Variants in RAPGEF4 observed in about 807,000 individuals in gnomAD.
RAPGEF4 encodes the protein Rap guanine nucleotide exchange factor 4, also known as RAP guanine-nucleotide-exchange factor (GEF) 4.
A neutral mutation model predicts 147.9 loss-of-function variants in RAPGEF4; 66 were observed. The observed-to-expected ratio is 0.45, with a 90% CI of 0.37 to 0.55. RAPGEF4 has a LOEUF of 0.55. Among genes scored for constraint, RAPGEF4 ranks in the 20% least tolerant of loss-of-function variants. RAPGEF4 has a pLI of 0.00. For missense variants in RAPGEF4, 1,071 were observed against 1,257.3 expected (o/e 0.85, Z 2.24); for synonymous variants, 419 against 442.7 (o/e 0.95, Z 0.67).
intron 10 of RAPGEF4, 73 bp from the exon 11 acceptor site, chr2:172,983,423 G>A (rs1264091876): frequency 2.2e-5 from 34 of 1,549,016 alleles, no homozygotes; most frequent in Non-Finnish European, 2.8e-5. Flanking sequence ...ACTGATGCCT[G>A]GATCCGTTTC....
intron 29 of RAPGEF4, among the ~76,000 whole-genome samples, chr2:173,038,242 T>C (rs1342418358): frequency 6.6e-6 from 1 of 152,238 alleles, no homozygotes; most frequent in Non-Finnish European, 1.5e-5. Context: ...AACTTATTAG[T>C]ATGGATAATT....
intron 6 of RAPGEF4, among the ~76,000 whole-genome samples, chr2:172,949,104 C>A (rs1687967498): frequency 6.6e-6 from 1 of 152,090 alleles, no homozygotes; most frequent in African/African-American, 2.4e-5. Context: ...GTAAACTTAG[C>A]CTTTTCATAT....
chr2:172,964,216 G>A (rs1183223626), intron 8 of RAPGEF4, among the ~76,000 whole-genome samples: 4 of 151,874 alleles, frequency 2.6e-5, no homozygotes, highest in Non-Finnish European at 5.9e-5. Context: ...TGCGGGTATA[G>A]ACTGTAATAA....
In RAPGEF4 at chr2:172,826,981, G is replaced by A. The variant is rs12053036; in HGVS notation, c.444+12556G>A. Reference sequence around the variant, plus strand: ...CCCTTTCTCAAAAAAAAAAAGAAAAGTATGAAGTTTTAAAATAGTGTTTTA... The same window carrying A: ...CCCTTTCTCAAAAAAAAAAAGAAAAATATGAAGTTTTAAAATAGTGTTTTA... On this transcript the variant is annotated intron_variant, in intron 4 of 30. Coordinates refer to ENST00000397081, the MANE Select transcript of RAPGEF4 (RefSeq NM_007023.4). 2.8e-4 allele frequency among the ~76,000 whole-genome samples: 42 copies of A among 151,776 alleles called. 2 individuals carry two copies. Among genetic ancestry groups the A allele is most frequent in the African/African-American group, 1.0e-3 (42 of 41,402 alleles).
chr2:172,761,135 T>C (rs1248223190), intron 1 of RAPGEF4, among the ~76,000 whole-genome samples: 1 of 151,252 alleles, frequency 6.6e-6, no homozygotes, highest in Non-Finnish European at 1.5e-5. Flanking sequence ...TTTCTTTTTT[T>C]TTTGTTTTAG....
chr2:172,963,833 C>G (rs775205758), intron 8 of RAPGEF4, among the ~76,000 whole-genome samples: 4 of 152,134 alleles, frequency 2.6e-5, no homozygotes, highest in Non-Finnish European at 5.9e-5. Flanking sequence ...TGCAGCATAA[C>G]CCCCCAAAAT....
At chr2:173,047,777 C>T (rs113923563) in intron 29 of RAPGEF4, among the ~76,000 whole-genome samples, 2,005 of 151,968 alleles carry the variant, frequency 0.013, 37 homozygotes, top group South Asian at 0.066. Context: ...CCCAGGTTCA[C>T]GCCATTCTCC....
intron 17 of RAPGEF4, among the ~76,000 whole-genome samples, chr2:173,010,667 A>G (rs1303499582): frequency 6.6e-6 from 1 of 152,232 alleles, no homozygotes; most frequent in Non-Finnish European, 1.5e-5. Flanking sequence ...GGAGTTAAAT[A>G]AAAGCTAAAA....
chr2:172,999,771 C>A (rs998459181), intron 16 of RAPGEF4, among the ~76,000 whole-genome samples: 4 of 152,154 alleles, frequency 2.6e-5, no homozygotes, highest in African/African-American at 4.8e-5. Context: ...TGAGTGTAAT[C>A]CCAAGCTGTC....
At chr2:172,931,620 T>C (rs1040930829) in intron 6 of RAPGEF4, among the ~76,000 whole-genome samples, 2 of 152,140 alleles carry the variant, frequency 1.3e-5, no homozygotes, top group Admixed American at 6.5e-5. Flanking sequence ...CACCCAAACC[T>C]TCCTCCAAAG....
chr2:172,736,446 G>GT (rs1364100080), intron 1 of RAPGEF4, among the ~76,000 whole-genome samples: 1 of 152,154 alleles, frequency 6.6e-6, no homozygotes, highest in East Asian at 1.9e-4. Flanking sequence ...TTAAAGAGGG[G>GT]TGGGGGCACC....
At chr2:173,040,188 CA>C (rs1293941383) in intron 29 of RAPGEF4, among the ~76,000 whole-genome samples, 2,627 of 93,188 alleles carry the variant, frequency 0.028, 63 homozygotes, top group African/African-American at 0.085. Context: ...GACTCCATCT[CA>C]AAAAAAAAAA....
In RAPGEF4 at chr2:173,020,041, G is replaced by A. The variant is rs569370744; in HGVS notation, c.2156-577G>A. ...TCCCCAGTGCCTGGAGCAGTTTCTG[G>A]CATGCAGTAAATACAAAATAAATGT... On this transcript the variant is annotated intron_variant, in intron 22 of 30. Transcript: ENST00000397081. Among the ~76,000 whole-genome samples, 178 of 152,140 alleles carry A rather than the reference G, an allele frequency of 1.2e-3. 2 individuals are homozygous for A. Among genetic ancestry groups the A allele is most frequent in the African/African-American group, 3.6e-3 (148 of 41,496 alleles).
At chr2:173,024,286 C>T (rs1386005518) in intron 23 of RAPGEF4, among the ~76,000 whole-genome samples, 4 of 137,722 alleles carry the variant, frequency 2.9e-5, no homozygotes, top group East Asian at 2.2e-4. Context: ...GGCGGGATCT[C>T]GGCTCACTGC....
At chr2:172,795,789 T>C (rs961217061) in intron 2 of RAPGEF4, among the ~76,000 whole-genome samples, 1 of 152,208 alleles carries the variant, frequency 6.6e-6, no homozygotes, top group African/African-American at 2.4e-5. Flanking sequence ...ACTTCAGGGT[T>C]GGTTAGTGAA....
intron 1 of RAPGEF4, chr2:172,744,518 AC>A: frequency 2.6e-6 from 1 of 390,398 alleles, no homozygotes; most frequent in Non-Finnish European, 5.1e-6. Context: ...ATAGGCTCAA[AC>A]CCCAGTTTTA....
chr2:173,017,511 A>T lies in RAPGEF4; in HGVS notation c.2008+7A>T. 2 of 1,608,140 alleles carry T rather than the reference A, an allele frequency of 1.2e-6. No homozygotes were observed. The highest frequency in any genetic ancestry group is 1.7e-6 in the Non-Finnish European group (2 of 1,174,722). ...ATCCGCGGCTCTGATGAAGGTGAGAACCCTCTTCCAACTAACTCGTAGTTG... is the reference window on the plus strand; with the variant it reads ...ATCCGCGGCTCTGATGAAGGTGAGATCCCTCTTCCAACTAACTCGTAGTTG... On this transcript the variant is annotated splice_region_variant and intron_variant, in intron 21 of 30. Transcript: ENST00000397081.
At position 172,976,842 on chromosome 2, in the gene RAPGEF4, C is replaced by T. The variant is rs183821881; in HGVS notation, c.1005-6654C>T. 1.1e-3 allele frequency among the ~76,000 whole-genome samples: 173 copies of T among 152,342 alleles called. 2 individuals are homozygous for T. Among genetic ancestry groups the T allele is most frequent in the Admixed American group, 0.011 (161 of 15,310 alleles). ...ATTTACCAGTAGCTTCCAATATCAC[C>T]TGAGCCCTCCCATCCTTTAATGTAT... On this transcript the variant is annotated intron_variant, in intron 10 of 30. Coordinates refer to ENST00000397081, the MANE Select transcript of RAPGEF4 (RefSeq NM_007023.4).
chr2:172,971,992 G>A (rs1013356131), intron 10 of RAPGEF4, among the ~76,000 whole-genome samples: 2 of 144,340 alleles, frequency 1.4e-5, no homozygotes, highest in African/African-American at 5.1e-5. Flanking sequence ...GGAAACGTGA[G>A]ATATATTGGC....
Sources: allele counts gnomAD v4.1 joint callset (sites outside exome capture counted in the v4.1 genomes callset), GRCh38; gene constraint gnomAD v4.1.1; transcripts MANE v1.5; gene names NCBI Gene and HGNC (gene_info 2026-07-23, HGNC 2026-07-21).